MAP2: variants seen among roughly 807,000 people sequenced by gnomAD.
MAP2 encodes the protein microtubule associated protein 2, also known as microtubule-associated protein 2.
Under a neutral mutation model 137.6 loss-of-function variants are expected in MAP2, and 14 were observed. The observed-to-expected ratio is 0.10, with a 90% CI of 0.07 to 0.16. MAP2 has a LOEUF of 0.16. Among genes scored for constraint, MAP2 ranks in the 10% least tolerant of loss-of-function variants. The pLI, the probability that MAP2 is intolerant of heterozygous loss-of-function variation, is 1.00. For missense variants in MAP2, 2,088 were observed against 2,191.5 expected (o/e 0.95, Z 0.94); for synonymous variants, 786 against 782.3 (o/e 1.00, Z -0.08).
At chr2:209,661,604 C>G in intron 5 of MAP2, 1 of 985,376 alleles carries the variant, frequency 1.0e-6, no homozygotes, top group South Asian at 4.7e-5. Context: ...TCAGTGTTTT[C>G]CTTCTAAAGG....
rs2059384159 is a variant in MAP2 at position 209,693,174 on chromosome 2, C to T, written c.1004C>T (p.Thr335Ile). 11 of 1,610,516 alleles carry T rather than the reference C, an allele frequency of 6.8e-6. No individual in the cohort carries two copies. In the East Asian group the frequency reaches 2.0e-4, roughly 29 times the overall value. ...PLDVMKNEIV[T>I]ETSPFAPAFL... ...GATGTCATGAAGAATGAAATAGTTACAGAAACATCGCCCTTTGCCCCTGCC... is the reference window on the plus strand; with the variant it reads ...GATGTCATGAAGAATGAAATAGTTATAGAAACATCGCCCTTTGCCCCTGCC... Residue 335 changes from threonine (T) to isoleucine (I), a missense_variant, in exon 8 of 16, where the codon ACA becomes ATA. Physicochemically the swap from Thr to Ile is moderately conservative, Grantham distance 89. This residue lies in a region of MAP2 where 859 missense variants were observed against 794.5 expected (regional missense o/e 1.08). Transcript: ENST00000682079.
intron 10 of MAP2, among the ~76,000 whole-genome samples, 196 bp from the exon 11 acceptor site, chr2:209,700,081 A>G (rs13424278): frequency 0.037 from 5,673 of 152,272 alleles, 259 homozygotes; most frequent in South Asian, 0.22. Flanking sequence ...TAATTAGCAC[A>G]CACTATTTGT....
chr2:209,528,190 C>T (rs2064387041), intron 2 of MAP2, among the ~76,000 whole-genome samples: 1 of 151,290 alleles, frequency 6.6e-6, no homozygotes, highest in Non-Finnish European at 1.5e-5. Context: ...TACCTACCTC[C>T]TTCATCCCCC....
chr2:209,723,554 A>G (rs1357549157), intron 13 of MAP2: 3 of 1,179,794 alleles, frequency 2.5e-6, no homozygotes, highest in South Asian at 1.2e-5. Context: ...CAGCATCTTG[A>G]TAGAAAAATG....
intron 5 of MAP2, among the ~76,000 whole-genome samples, chr2:209,664,958 GTC>G (rs1344606142): frequency 1.3e-5 from 1 of 76,336 alleles, no homozygotes. Flanking sequence ...GCGAAACTCC[GTC>G]TCAAAAAAAA....
intron 1 of MAP2, among the ~76,000 whole-genome samples, chr2:209,456,764 A>G (rs886423122): frequency 4.6e-5 from 7 of 152,366 alleles, no homozygotes; most frequent in East Asian, 1.9e-4. Flanking sequence ...ACATTAGCCT[A>G]TGAAACAGTG....
chr2:209,544,591 G>A (rs1198929617), intron 2 of MAP2, among the ~76,000 whole-genome samples: 5 of 152,102 alleles, frequency 3.3e-5, no homozygotes, highest in Admixed American at 3.3e-4. Context: ...TCATTTTACC[G>A]ATGAAGCCGC....
At chr2:209,538,461 AT>A (rs201978935) in intron 2 of MAP2, among the ~76,000 whole-genome samples, 1,559 of 147,510 alleles carry the variant, frequency 0.011, 21 homozygotes, top group African/African-American at 0.036. Context: ...AATGTCTGCT[AT>A]TTTTTTTTCA....
intron 3 of MAP2, among the ~76,000 whole-genome samples, chr2:209,594,028 G>A (rs1369977331): frequency 7.1e-6 from 1 of 141,766 alleles, no homozygotes; most frequent in Non-Finnish European, 1.5e-5. Context: ...TTCGCCTGTA[G>A]TCCCAGCCAC....
intron 1 of MAP2, among the ~76,000 whole-genome samples, chr2:209,487,634 G>T (rs1365788800): frequency 6.6e-6 from 1 of 152,096 alleles, no homozygotes. Flanking sequence ...TAACCATAAA[G>T]GCATTTCAAG....
chr2:209,468,880 G>A (rs1704910205), intron 1 of MAP2, among the ~76,000 whole-genome samples: 2 of 152,158 alleles, frequency 1.3e-5, no homozygotes, highest in African/African-American at 4.8e-5. Context: ...ACCAAGTAAT[G>A]TTGATGGGAC....
chr2:209,638,976 CATTA>C (rs2093792454), intron 4 of MAP2, among the ~76,000 whole-genome samples: 1 of 152,080 alleles, frequency 6.6e-6, no homozygotes, highest in South Asian at 2.1e-4. Context: ...GATACATGCT[CATTA>C]GAGATCATTA....
At chr2:209,455,581 C>T (rs1021762867) in intron 1 of MAP2, among the ~76,000 whole-genome samples, 9 of 152,108 alleles carry the variant, frequency 5.9e-5, no homozygotes, top group Non-Finnish European at 5.9e-5. Flanking sequence ...TCCTGACACA[C>T]TTCAAAAATT....
chr2:209,615,882 A>G lies in MAP2; in HGVS notation c.-106-9171A>G, dbSNP rs574061693. ...GCTATCATGCCCTCCTTTGAGTGGT[A>G]TCTTCACTTTAAGCTTTTCTGCATA... On this transcript the variant is annotated intron_variant, in intron 3 of 15. Coordinates refer to ENST00000682079, the MANE Select transcript of MAP2 (RefSeq NM_001375505.1). Among the ~76,000 whole-genome samples, 11 of 152,180 alleles carry G rather than the reference A, an allele frequency of 7.2e-5. No individual in the cohort carries two copies. In the South Asian group the frequency reaches 1.5e-3, roughly 20 times the overall value.
intron 4 of MAP2, among the ~76,000 whole-genome samples, chr2:209,644,983 T>C (rs1461324578): frequency 6.6e-6 from 1 of 152,212 alleles, no homozygotes; most frequent in African/African-American, 2.4e-5. Context: ...CATTTTTTTC[T>C]GTGTGTTTCT....
intron 4 of MAP2, among the ~76,000 whole-genome samples, chr2:209,644,720 C>T (rs1188381057): frequency 6.8e-6 from 1 of 148,096 alleles, no homozygotes; most frequent in Non-Finnish European, 1.5e-5. Flanking sequence ...CAAAGTATGA[C>T]CAAAGGCTGT....
chr2:209,508,919 AT>A (rs2061407836), intron 2 of MAP2, among the ~76,000 whole-genome samples: 2 of 151,806 alleles, frequency 1.3e-5, no homozygotes, highest in African/African-American at 4.8e-5. Context: ...GATTTTTTGA[AT>A]TTTTTTCTAC....
Position 209,578,254 on chromosome 2 carries a change from G to C in MAP2, c.-171-1782G>C, listed in dbSNP as rs530091833. Reference sequence around the variant, plus strand: ...AGCCAGTATTTGGATAGAGGCAAGGGGTAGCAGAATTGATCTCATACAAAA... The same window carrying C: ...AGCCAGTATTTGGATAGAGGCAAGGCGTAGCAGAATTGATCTCATACAAAA... On this transcript the variant is annotated intron_variant, in intron 2 of 15. Transcript: ENST00000682079. 9.9e-5 allele frequency among the ~76,000 whole-genome samples: 15 copies of C among 152,108 alleles called. No homozygotes were observed. In the South Asian group the frequency reaches 3.1e-3, roughly 32 times the overall value.
intron 5 of MAP2, among the ~76,000 whole-genome samples, chr2:209,671,774 G>A (rs1341868339): frequency 6.6e-6 from 1 of 151,758 alleles, no homozygotes; most frequent in East Asian, 1.9e-4. Flanking sequence ...CATATGCCAA[G>A]GTGCTTGGAT....
Sources: gnomAD v4.1 joint callset for allele counts (sites outside exome capture counted in the v4.1 genomes callset) on GRCh38, gnomAD v4.1.1 for gene constraint, gnomAD v4.1.1 regional missense constraint, MANE v1.5 for transcripts, NCBI Gene and HGNC (gene_info 2026-07-23, HGNC 2026-07-21) for gene names.